The following TCERG1L variants were observed in gnomAD, a reference collection of about 807,000 sequenced individuals.
The protein encoded by TCERG1L is transcription elongation regulator 1-like protein.
A neutral mutation model predicts 56.3 loss-of-function variants in TCERG1L; 37 were observed. The observed-to-expected ratio is 0.66, with a 90% CI of 0.51 to 0.87. The LOEUF (loss-of-function observed/expected upper bound fraction) is 0.87. Ranked by LOEUF, TCERG1L falls within the 40% of genes least tolerant of loss-of-function variation. The pLI is 0.00. For missense variants in TCERG1L, 799 were observed against 774.2 expected, an observed-to-expected ratio of 1.03 and a Z score of -0.38; for synonymous variants, 324 against 326.3, an observed-to-expected ratio of 0.99 and a Z score of 0.08.
rs1306345000 is a variant in TCERG1L at position 131,308,193 on chromosome 10, T to C, written c.670+18A>G. ...GCAAAAATGAAACAGACATTGTCAATGTTATTTGGGCACCAACCTGGGATG... is the reference window on the plus strand; with the variant it reads ...GCAAAAATGAAACAGACATTGTCAACGTTATTTGGGCACCAACCTGGGATG... On this transcript the variant is annotated intron_variant, in intron 3 of 11. Transcript: ENST00000368642. 1.3e-6 allele frequency: 2 copies of C among 1,585,220 alleles called. No homozygotes were observed. Among genetic ancestry groups the C allele is most frequent in the Non-Finnish European group, 8.6e-7 (1 of 1,167,090 alleles).
At chr10:131,146,787 G>A in intron 6 of TCERG1L, 127 bp from the exon 7 acceptor site, 2 of 1,086,410 alleles carry the variant, frequency 1.8e-6, no homozygotes, top group South Asian at 1.8e-5. Context: ...CTTGTTTATG[G>A]ATAGTATGAA....
chr10:131,305,463 C>T (rs188939591), intron 3 of TCERG1L, among the ~76,000 whole-genome samples: 4 of 152,126 alleles, frequency 2.6e-5, no homozygotes, highest in African/African-American at 9.7e-5. Flanking sequence ...TTAGTCTCAC[C>T]CCCATCTCTA....
intron 6 of TCERG1L, among the ~76,000 whole-genome samples, chr10:131,157,832 G>A (rs1052277956): frequency 2.0e-5 from 3 of 152,146 alleles, no homozygotes; most frequent in African/African-American, 7.2e-5. Context: ...CCTGGGACAC[G>A]GTATCCTTGA....
At chr10:131,211,456 C>A (rs929759152) in intron 4 of TCERG1L, among the ~76,000 whole-genome samples, 2 of 152,188 alleles carry the variant, frequency 1.3e-5, no homozygotes, top group African/African-American at 4.8e-5. Flanking sequence ...CATGCTGTGG[C>A]CGGAGCTAGA....
chr10:131,168,490 A>G (rs74366910), intron 4 of TCERG1L, among the ~76,000 whole-genome samples: 91 of 152,314 alleles, frequency 6.0e-4, no homozygotes, highest in African/African-American at 2.1e-3. Flanking sequence ...AGTTGGGTCA[A>G]TCAGCAAATT....
intron 4 of TCERG1L, among the ~76,000 whole-genome samples, chr10:131,192,966 T>C (rs1484009359): frequency 6.6e-6 from 1 of 152,082 alleles, no homozygotes; most frequent in Non-Finnish European, 1.5e-5. Flanking sequence ...AAGATATAAT[T>C]CATCCATATA....
intron 4 of TCERG1L, among the ~76,000 whole-genome samples, chr10:131,230,626 A>G (rs925924726): frequency 1.3e-5 from 2 of 152,234 alleles, no homozygotes; most frequent in African/African-American, 4.8e-5. Context: ...GATGTGAGAC[A>G]GTGGGACAGT....
chr10:131,097,718 T>C (rs764553805), intron 11 of TCERG1L, among the ~76,000 whole-genome samples: 2 of 152,246 alleles, frequency 1.3e-5, no homozygotes, highest in Non-Finnish European at 2.9e-5. Flanking sequence ...TATGTATTCT[T>C]CCAATTTCTA....
intron 7 of TCERG1L, among the ~76,000 whole-genome samples, chr10:131,135,137 T>A (rs78394441): frequency 8.5e-5 from 13 of 152,174 alleles, no homozygotes; most frequent in African/African-American, 3.1e-4. Context: ...TGGTCTGGAG[T>A]GTCATCCAGA....
chr10:131,283,481 C>T (rs956512900), intron 3 of TCERG1L, among the ~76,000 whole-genome samples: 1 of 152,042 alleles, frequency 6.6e-6, no homozygotes, highest in Non-Finnish European at 1.5e-5. Flanking sequence ...AAATGATAAG[C>T]TCAAAGTTAA....
At chr10:131,182,925 CAT>C (rs1845196845) in intron 4 of TCERG1L, among the ~76,000 whole-genome samples, 1 of 152,182 alleles carries the variant, frequency 6.6e-6, no homozygotes, top group Non-Finnish European at 1.5e-5. Context: ...TTAAGGCAAA[CAT>C]AACCTTTAAC....
chr10:131,248,649 G>C (rs1846068876), intron 4 of TCERG1L, among the ~76,000 whole-genome samples: 2 of 152,182 alleles, frequency 1.3e-5, no homozygotes, highest in African/African-American at 4.8e-5. Flanking sequence ...AGGAACACAG[G>C]GAATGAGAGC....
At chr10:131,208,902 A>C (rs1845581634) in intron 4 of TCERG1L, among the ~76,000 whole-genome samples, 1 of 152,034 alleles carries the variant, frequency 6.6e-6, no homozygotes, top group Non-Finnish European at 1.5e-5. Flanking sequence ...CTAAAAATAG[A>C]AAAAAATTAG....
At chr10:131,194,921 A>G (rs1845341834) in intron 4 of TCERG1L, among the ~76,000 whole-genome samples, 1 of 152,178 alleles carries the variant, frequency 6.6e-6, no homozygotes, top group African/African-American at 2.4e-5. Flanking sequence ...AAGATCAAGG[A>G]GCAATAAATA....
intron 11 of TCERG1L, among the ~76,000 whole-genome samples, chr10:131,096,829 T>C (rs977193099): frequency 6.7e-6 from 1 of 148,568 alleles, no homozygotes; most frequent in African/African-American, 2.5e-5. Context: ...GAGCTTGCAG[T>C]GAGCCGAGAT....
At chr10:131,155,398 C>A (rs2133423461) in intron 6 of TCERG1L, among the ~76,000 whole-genome samples, 1 of 152,372 alleles carries the variant, frequency 6.6e-6, no homozygotes, top group South Asian at 2.1e-4. Context: ...TCTGCCCAGC[C>A]TTGCAGCACA....
intron 3 of TCERG1L, among the ~76,000 whole-genome samples, chr10:131,303,987 A>G (rs1306951025): frequency 6.6e-6 from 1 of 152,042 alleles, no homozygotes; most frequent in Non-Finnish European, 1.5e-5. Context: ...TGAATCTTTG[A>G]TGAAGCAGAA....
intron 8 of TCERG1L, among the ~76,000 whole-genome samples, chr10:131,117,472 A>G (rs950492778): frequency 7.2e-5 from 11 of 152,240 alleles, no homozygotes; most frequent in African/African-American, 2.7e-4. Context: ...AGTGACAAAG[A>G]AGGAGGCTGG....
At chr10:131,130,221 T>C (rs917472003) in intron 8 of TCERG1L, among the ~76,000 whole-genome samples, 22 of 152,096 alleles carry the variant, frequency 1.4e-4, no homozygotes, top group African/African-American at 5.3e-4. Context: ...CTCTCCTTTA[T>C]AAAACCATCA....
Sources: gnomAD v4.1 joint callset for allele counts (sites outside exome capture counted in the v4.1 genomes callset) on GRCh38, gnomAD v4.1.1 for gene constraint, MANE v1.5 for transcripts, NCBI Gene and HGNC (gene_info 2026-07-23, HGNC 2026-07-21) for gene names.